Variants in CFAP54 observed in about 807,000 individuals in gnomAD.
CFAP54 encodes the protein cilia- and flagella-associated protein 54.
In CFAP54, 290 loss-of-function variants were observed where a neutral mutation model predicts 370.4. That is an observed-to-expected ratio of 0.78 (90% confidence interval 0.71 to 0.86). CFAP54 has a LOEUF of 0.86. CFAP54 is among the 40% of genes least tolerant of loss of function. The pLI is 0.00. For missense variants in CFAP54, 3,399 were observed against 3,528.7 expected (o/e 0.96, Z 0.93); for synonymous variants, 1,206 against 1,236.5 (o/e 0.98, Z 0.52).
At chr12:96,547,852 C>T (rs1359822343) in intron 14 of CFAP54, 50 bp from the exon 15 acceptor site, 2 of 935,258 alleles carry the variant, frequency 2.1e-6, no homozygotes, top group South Asian at 1.8e-5. Context: ...ATCTCCTCTT[C>T]TCCCTTCCCC....
intron 2 of CFAP54, 51 bp from the exon 3 acceptor site, chr12:96,503,835 A>G: frequency 7.4e-7 from 1 of 1,356,464 alleles, no homozygotes; most frequent in East Asian, 2.6e-5. Context: ...CCTAATAATG[A>G]TAAGCTAAAT....
At chr12:96,667,008 C>T (rs142204338) in intron 39 of CFAP54, among the ~76,000 whole-genome samples, 107 of 152,182 alleles carry the variant, frequency 7.0e-4, no homozygotes, top group African/African-American at 2.6e-3. Flanking sequence ...AGAAATTGGC[C>T]AAAACAAGTA....
chr12:96,549,642 A>G (rs910392417), intron 15 of CFAP54, among the ~76,000 whole-genome samples: 2 of 152,222 alleles, frequency 1.3e-5, no homozygotes, highest in African/African-American at 4.8e-5. Context: ...TATTTGTGTG[A>G]TGCTGAATGA....
chr12:96,604,015 G>A (rs1177449715), intron 26 of CFAP54, among the ~76,000 whole-genome samples: 1 of 152,176 alleles, frequency 6.6e-6, no homozygotes, highest in South Asian at 2.1e-4. Context: ...GAGGAGTTGT[G>A]TTCCTTTGGA....
At chr12:96,827,170 T>C (rs1460696982) in intron 65 of CFAP54, among the ~76,000 whole-genome samples, 2 of 19,316 alleles carry the variant, frequency 1.0e-4, no homozygotes, top group Non-Finnish European at 1.5e-4. Context: ...TGTGATTATA[T>C]ATAATGTGCA....
chr12:96,815,362 A>C (rs1347678873), intron 64 of CFAP54, among the ~76,000 whole-genome samples: 2 of 151,792 alleles, frequency 1.3e-5, no homozygotes, highest in Non-Finnish European at 2.9e-5. Context: ...TTTTTTGAGA[A>C]GTGTCTTTTA....
Position 96,825,367 on chromosome 12 carries a change from T to C in CFAP54, c.9097-3647T>C, listed in dbSNP as rs1332516461. ...TTATGTAACATGTTATATTATATATTATGTAACATGTGTTATATATTATGT... is the reference window on the plus strand; with the variant it reads ...TTATGTAACATGTTATATTATATATCATGTAACATGTGTTATATATTATGT... On this transcript the variant is annotated intron_variant, in intron 65 of 67. Transcript: ENST00000524981. Among the ~76,000 whole-genome samples the C allele has an allele frequency of 2.4e-5, 3 of 124,098 alleles. No individual in the cohort carries two copies. The East Asian group carries it at 7.0e-4, about 29-fold the overall frequency. The allele number at this position is 124,098 out of a possible 152,430, so 81.4% of individuals were successfully genotyped here. A position where few individuals can be genotyped will look rare whatever the true frequency, so the allele number is the denominator to read the frequency against.
At chr12:96,779,877 G>T (rs1958564348) in intron 60 of CFAP54, among the ~76,000 whole-genome samples, 1 of 151,980 alleles carries the variant, frequency 6.6e-6, no homozygotes, top group Admixed American at 6.6e-5. Flanking sequence ...TGCCAGCTAT[G>T]CAGTAGTCTA....
chr12:96,744,156 T>C lies in CFAP54; in HGVS notation c.7684+10T>C, dbSNP rs974701635. ...ATAAAAATGAGAATTGGTAAGAACA[T>C]TTAAACTTATATTGCCCTAGAATAA... On this transcript the variant is annotated intron_variant, in intron 55 of 67. Coordinates refer to ENST00000524981, the MANE Select transcript of CFAP54 (RefSeq NM_001306084.2). 9.4e-6 allele frequency: 15 copies of C among 1,595,444 alleles called. No individual in the cohort carries two copies. The highest frequency in any genetic ancestry group is 1.2e-5 in the Non-Finnish European group (14 of 1,168,282).
intron 64 of CFAP54, among the ~76,000 whole-genome samples, chr12:96,817,208 C>CT (rs780768172): frequency 6.6e-6 from 1 of 151,952 alleles, no homozygotes; most frequent in Non-Finnish European, 1.5e-5. Context: ...AGATGTGTGC[C>CT]TTTTTTATTG....
chr12:96,710,584 G>A (rs1428948869), intron 48 of CFAP54, among the ~76,000 whole-genome samples: 14 of 152,088 alleles, frequency 9.2e-5, no homozygotes, highest in Admixed American at 9.2e-4. Context: ...TGTACTCACA[G>A]GTGAGTCTTT....
At chr12:96,610,288 C>T (rs182360096) in intron 26 of CFAP54, among the ~76,000 whole-genome samples, 1 of 152,176 alleles carries the variant, frequency 6.6e-6, no homozygotes, top group Non-Finnish European at 1.5e-5. Flanking sequence ...AAAGCCAGAA[C>T]CTTGTCTCAT....
At chr12:96,695,744 G>A (rs989889025) in intron 45 of CFAP54, among the ~76,000 whole-genome samples, 1 of 152,158 alleles carries the variant, frequency 6.6e-6, no homozygotes, top group African/African-American at 2.4e-5. Flanking sequence ...AGTGCCTACT[G>A]TCCACTCTCT....
rs1029807278 is a variant in CFAP54 at position 96,799,015 on chromosome 12, G to A, written c.8850+6516G>A. Among the ~76,000 whole-genome samples, 8 of 152,204 alleles carry A rather than the reference G, an allele frequency of 5.3e-5. No homozygotes were observed. In the South Asian group the frequency reaches 6.2e-4, roughly 12 times the overall value. On this transcript the variant is annotated intron_variant, in intron 63 of 67. Coordinates refer to ENST00000524981, the MANE Select transcript of CFAP54 (RefSeq NM_001306084.2). Reference sequence around the variant, plus strand: ...TATCGTAGATATAATTTATTTTAATGTATGTTATCCTTATATTTATATCCA... The same window carrying A: ...TATCGTAGATATAATTTATTTTAATATATGTTATCCTTATATTTATATCCA...
intron 38 of CFAP54, among the ~76,000 whole-genome samples, chr12:96,660,188 G>T (rs905808157): frequency 6.6e-6 from 1 of 152,142 alleles, no homozygotes; most frequent in Non-Finnish European, 1.5e-5. Flanking sequence ...AAAGAACATT[G>T]TAGCCCAAGA....
At chr12:96,646,176 G>A (rs1373120590) in intron 33 of CFAP54, 1 of 152,086 alleles carries the variant, frequency 6.6e-6, no homozygotes, top group Non-Finnish European at 1.5e-5. Flanking sequence ...CCTACAGAAT[G>A]GGAGAAAATT....
chr12:96,828,146 T>C (rs1959149204), intron 65 of CFAP54, among the ~76,000 whole-genome samples: 1 of 146,792 alleles, frequency 6.8e-6, no homozygotes, highest in African/African-American at 2.5e-5. Context: ...CATTGTGAAG[T>C]AGGCATAGTT....
intron 60 of CFAP54, among the ~76,000 whole-genome samples, chr12:96,772,141 C>T (rs997991501): frequency 6.6e-6 from 1 of 152,002 alleles, no homozygotes; most frequent in African/African-American, 2.4e-5. Context: ...TCAAAAGATA[C>T]GAAAGGGTAT....
intron 46 of CFAP54, among the ~76,000 whole-genome samples, chr12:96,704,420 C>T (rs1438250555): frequency 1.0e-4 from 8 of 77,434 alleles, no homozygotes; most frequent in Non-Finnish European, 1.1e-4. Context: ...GAGCGAGACT[C>T]GGTCTAAAAA....
Sources: gnomAD v4.1 joint callset for allele counts (sites outside exome capture counted in the v4.1 genomes callset) on GRCh38, gnomAD v4.1.1 for gene constraint, MANE v1.5 for transcripts, NCBI Gene and HGNC (gene_info 2026-07-23, HGNC 2026-07-21) for gene names.